PDZD2: variants seen among roughly 807,000 people sequenced by gnomAD.
The protein encoded by PDZD2 is PDZ domain-containing protein 2.
In PDZD2, 90 loss-of-function variants were observed where a neutral mutation model predicts 220.7. The ratio of observed to expected loss-of-function variants is 0.41; its 90% CI spans 0.34 to 0.49. The LOEUF is 0.49. Ranked by LOEUF, PDZD2 falls within the 20% of genes least tolerant of loss-of-function variation. The pLI, the probability that PDZD2 is intolerant of heterozygous loss-of-function variation, is 0.28. For missense variants in PDZD2, 3,174 were observed against 3,608.5 expected (o/e 0.88, Z 3.08); for synonymous variants, 1,375 against 1,450.5 (o/e 0.95, Z 1.18).
intron 1 of PDZD2, among the ~76,000 whole-genome samples, chr5:31,735,171 G>A (rs2150159669): frequency 6.6e-6 from 1 of 152,346 alleles, no homozygotes. Context: ...ATTGGTGGGA[G>A]AGTGCAGGAG....
intron 6 of PDZD2, among the ~76,000 whole-genome samples, chr5:32,033,320 A>T (rs1755266456): frequency 6.6e-6 from 1 of 152,202 alleles, no homozygotes; most frequent in Non-Finnish European, 1.5e-5. Flanking sequence ...TGCATTTTAT[A>T]TTGCTACTTC....
chr5:31,934,607 T>TAA (rs5867117), intron 2 of PDZD2, among the ~76,000 whole-genome samples: 14,355 of 117,962 alleles, frequency 0.12, 1,179 homozygotes, highest in South Asian at 0.23. Context: ...ACCATCTAAT[T>TAA]AAAAAAAAAA....
At chr5:32,102,366 C>G (rs1744333516) in intron 24 of PDZD2, among the ~76,000 whole-genome samples, 1 of 151,884 alleles carries the variant, frequency 6.6e-6, no homozygotes, top group African/African-American at 2.4e-5. Flanking sequence ...GATGCAGAGG[C>G]CTGGGACCTG....
intron 2 of PDZD2, among the ~76,000 whole-genome samples, chr5:31,946,306 C>G (rs1447291689): frequency 6.6e-6 from 1 of 152,196 alleles, no homozygotes; most frequent in East Asian, 1.9e-4. Flanking sequence ...CCTGGCCAAA[C>G]ATGCTATTTT....
At chr5:31,665,644 T>TCCC (rs5867091) in intron 1 of PDZD2, among the ~76,000 whole-genome samples, 166 of 119,038 alleles carry the variant, frequency 1.4e-3, no homozygotes, top group African/African-American at 2.4e-3. Flanking sequence ...AAGTTCCCCC[T>TCCC]CCCCCCCCTC....
At position 32,053,873 on chromosome 5, in the gene PDZD2, A is replaced by G. The variant is rs1483551947; in HGVS notation, c.1890A>G (p.Arg630=). Residue 630 remains arginine (R), a synonymous_variant, in exon 10 of 25, where the codon AGA becomes AGG. Coordinates refer to ENST00000438447, the MANE Select transcript of PDZD2 (RefSeq NM_178140.4). ...ATGGATCAGCTGCAGAGGACGGAAG[A>G]CTTAAAGAAGGTAGGGGAAAGCCTC... The part of the protein sequence containing the change: ...FPNGSAAEDG[R]LKEGDEILDV... The G allele has an allele frequency of 3.0e-5, 47 of 1,588,958 alleles. No homozygotes were observed. Among genetic ancestry groups the G allele is most frequent in the Non-Finnish European group, 3.4e-5 (39 of 1,157,186 alleles).
Position 32,003,471 on chromosome 5 carries a change from C to CA in PDZD2, c.1254+3200_1254+3201insA, listed in dbSNP as rs796800812. Among the ~76,000 whole-genome samples the CA allele has an allele frequency of 6.4e-3, 615 of 96,454 alleles. 21 individuals are homozygous for CA. The highest frequency in any genetic ancestry group is 0.021 in the African/African-American group (557 of 26,036). The allele number at this position is 96,454 out of a possible 152,430, so 63.3% of individuals were successfully genotyped here. A position where few individuals can be genotyped will look rare whatever the true frequency, so the allele number is the denominator to read the frequency against. The stretch of plus-strand genomic sequence containing the variant: ...TCCCCCCAACACACACCCACCCCCC[C>CA]CACACCACACTACACACACACCACA... On this transcript the variant is annotated intron_variant, in intron 5 of 24. Coordinates refer to ENST00000438447, the MANE Select transcript of PDZD2 (RefSeq NM_178140.4).
Position 31,989,421 on chromosome 5 carries a change from CTTTTTTTTT to C in PDZD2, c.978+5776_978+5784del, listed in dbSNP as rs869045113. ...TGTGGTATATACCACATTTTCTTTT[CTTTTTTTTT>C]TTTTTTTTTTGAGACGAAGTCTCAC... is the stretch of plus-strand genomic sequence containing the variant. On this transcript the variant is annotated intron_variant, in intron 3 of 24. Transcript: ENST00000438447. Among the ~76,000 whole-genome samples the C allele has an allele frequency of 6.7e-5, 8 of 119,904 alleles. No individual in the cohort carries two copies. In the East Asian group the frequency reaches 2.1e-3, roughly 32 times the overall value. 78.7% of individuals were successfully genotyped at this position (119,904 alleles called of 152,430 possible).
intron 1 of PDZD2, among the ~76,000 whole-genome samples, chr5:31,776,252 T>C (rs1332486937): frequency 6.6e-6 from 1 of 151,984 alleles, no homozygotes; most frequent in Non-Finnish European, 1.5e-5. Context: ...CAAGACCAGT[T>C]AACTGTGCCT....
Position 31,823,270 on chromosome 5 carries a change from G to A in PDZD2, c.476+23546G>A, listed in dbSNP as rs996456110. 1.5e-5 allele frequency: 5 copies of A among 333,142 alleles called. No homozygotes were observed. The East Asian group carries it at 3.4e-4, about 22-fold the overall frequency. The allele number at this position is 333,142 out of a possible 1,614,324, so 20.6% of individuals were successfully genotyped here. ...TCACGAGGTCAGGAGATCAAGACCAGCTGGGCCAAGGCATGGTGAAACCTG... is the reference window on the plus strand; with the variant it reads ...TCACGAGGTCAGGAGATCAAGACCAACTGGGCCAAGGCATGGTGAAACCTG... On this transcript the variant is annotated intron_variant, in intron 2 of 24. Transcript: ENST00000438447.
At chr5:31,792,219 A>G (rs1297217294) in intron 1 of PDZD2, among the ~76,000 whole-genome samples, 1 of 152,202 alleles carries the variant, frequency 6.6e-6, no homozygotes, top group Non-Finnish European at 1.5e-5. Context: ...AGGAGCAGGG[A>G]CCACCAGGCT....
chr5:31,720,041 C>A (rs1357065048), intron 1 of PDZD2, among the ~76,000 whole-genome samples: 1 of 152,188 alleles, frequency 6.6e-6, no homozygotes, highest in Non-Finnish European at 1.5e-5. Flanking sequence ...AGTGCCCTGG[C>A]ACCAATGCTG....
At chr5:31,983,025 T>C in intron 2 of PDZD2, 130 bp from the exon 3 acceptor site, 1 of 816,794 alleles carries the variant, frequency 1.2e-6, no homozygotes, top group Non-Finnish European at 1.9e-6. Flanking sequence ...TGAATCTCTT[T>C]AGGAAGCTCA....
At chr5:31,849,705 G>T (rs1580885349) in intron 2 of PDZD2, among the ~76,000 whole-genome samples, 1 of 151,282 alleles carries the variant, frequency 6.6e-6, no homozygotes, top group East Asian at 1.9e-4. Flanking sequence ...TTAGCCAGGT[G>T]TGGTGGCGTG....
chr5:31,665,644 T>TCCCCCCCCCCCC (rs5867091), intron 1 of PDZD2, among the ~76,000 whole-genome samples: 32 of 119,034 alleles, frequency 2.7e-4, no homozygotes, highest in Non-Finnish European at 4.0e-4. Context: ...AAGTTCCCCC[T>TCCCCCCCCCCCC]CCCCCCCCTC....
Position 32,000,328 on chromosome 5 carries a change from A to C in PDZD2, c.1254+57A>C. The C allele has an allele frequency of 6.4e-7, 1 of 1,565,630 alleles. No homozygotes were observed. The highest frequency in any genetic ancestry group is 8.8e-7 in the Non-Finnish European group (1 of 1,136,820). On this transcript the variant is annotated intron_variant, in intron 5 of 24. Coordinates refer to ENST00000438447, the MANE Select transcript of PDZD2 (RefSeq NM_178140.4). This position sits in a 1 kb window ranked among gnomAD's most constrained non-coding sequence, Gnocchi z 4.5. Reference sequence around the variant, plus strand: ...TGGTGGCAGTGGTGAGTTGGGGTTGAGCCCCACCTCCCATGCCACACACAC... The same window carrying C: ...TGGTGGCAGTGGTGAGTTGGGGTTGCGCCCCACCTCCCATGCCACACACAC...
chr5:31,883,023 CAA>C (rs781370177), intron 2 of PDZD2, among the ~76,000 whole-genome samples: 1,682 of 47,766 alleles, frequency 0.035, 8 homozygotes, highest in African/African-American at 0.12. Flanking sequence ...GACTCTGTCT[CAA>C]AAAAAAAAAA....
chr5:31,654,963 C>G (rs1328179038), intron 1 of PDZD2, among the ~76,000 whole-genome samples: 2 of 152,074 alleles, frequency 1.3e-5, no homozygotes, highest in Non-Finnish European at 2.9e-5. Context: ...CTGATTTCAT[C>G]TCTTGCATCT....
chr5:31,878,594 C>T (rs1739552565), intron 2 of PDZD2, among the ~76,000 whole-genome samples: 1 of 77,618 alleles, frequency 1.3e-5, no homozygotes, highest in Non-Finnish European at 2.5e-5. Flanking sequence ...CGGAGTCTCG[C>T]TGTCGCCCAG....
Sources: allele counts gnomAD v4.1 joint callset (sites outside exome capture counted in the v4.1 genomes callset), GRCh38; gene constraint gnomAD v4.1.1; non-coding constraint Gnocchi (gnomAD v3.1); transcripts MANE v1.5; gene names NCBI Gene and HGNC (gene_info 2026-07-23, HGNC 2026-07-21).